KLHL14: variants seen among roughly 807,000 people sequenced by gnomAD.
KLHL14 encodes kelch like family member 14.
In KLHL14, 22 loss-of-function variants were observed where a neutral mutation model predicts 64.3. The ratio of observed to expected loss-of-function variants is 0.34; its 90% confidence interval spans 0.24 to 0.49. The LOEUF is 0.49. Ranked by LOEUF, KLHL14 falls within the 20% of genes least tolerant of loss-of-function variation. The pLI, the probability that KLHL14 is intolerant of heterozygous loss-of-function variation, is 0.99. For synonymous variants in KLHL14, 322 were observed against 333.4 expected (o/e 0.97, Z 0.37); for missense variants, 661 against 789.0 (o/e 0.84, Z 1.94).
chr18:32,713,868 A>G (rs2050032226), intron 3 of KLHL14, among the ~76,000 whole-genome samples: 1 of 152,192 alleles, frequency 6.6e-6, no homozygotes, highest in South Asian at 2.1e-4. Context: ...ACTGAAATGA[A>G]TATCTTGGAA....
intron 7 of KLHL14, among the ~76,000 whole-genome samples, chr18:32,677,886 G>C (rs1598544123): frequency 6.6e-6 from 1 of 152,316 alleles, no homozygotes; most frequent in African/African-American, 2.4e-5. Context: ...GACTCTTGCA[G>C]ACTAAATTGT....
In KLHL14 at chr18:32,763,108, GT is replaced by G. The variant is rs5823861; in HGVS notation, c.947+6536del. Among the ~76,000 whole-genome samples, 959 of 138,242 alleles carry G rather than the reference GT, an allele frequency of 6.9e-3. 12 individuals carry two copies. Among genetic ancestry groups the G allele is most frequent in the African/African-American group, 7.4e-3 (271 of 36,426 alleles). The allele number at this position is 138,242 out of a possible 152,430, so 90.7% of individuals were successfully genotyped here. A position where few individuals can be genotyped will look rare whatever the true frequency, so the allele number is the denominator to read the frequency against. On this transcript the variant is annotated intron_variant, in intron 2 of 8. Transcript: ENST00000359358. ...TTTTGGTTCAAATTCAAGCTTCAAG[GT>G]TTTTTTTTTTTTTTCATAGTTAAAC...
intron 3 of KLHL14, among the ~76,000 whole-genome samples, chr18:32,702,256 C>T (rs1001935780): frequency 2.6e-5 from 4 of 151,480 alleles, no homozygotes; most frequent in Non-Finnish European, 4.4e-5. Flanking sequence ...CAATTACATG[C>T]TGTTGAAAAC....
rs976221462 is a variant in KLHL14 at position 32,673,397 on chromosome 18, T to G, written c.*1260A>C. ...AGCTCTGGAGGGCTTGAAAATCGAATGTGCATTCCTGTCAGTTTTGTCCTT... is the reference window on the plus strand; with the variant it reads ...AGCTCTGGAGGGCTTGAAAATCGAAGGTGCATTCCTGTCAGTTTTGTCCTT... On this transcript the variant is annotated 3_prime_UTR_variant, in exon 9 of 9. Coordinates refer to ENST00000359358, the MANE Select transcript of KLHL14 (RefSeq NM_020805.3). 6.6e-6 allele frequency: 1 copy of G among 152,218 alleles called. No homozygotes were observed. Among genetic ancestry groups the G allele is most frequent in the Non-Finnish European group, 1.5e-5 (1 of 68,040 alleles). The allele number at this position is 152,218 out of a possible 1,614,324, so 9.4% of individuals were successfully genotyped here. A position where few individuals can be genotyped will look rare whatever the true frequency, so the allele number is the denominator to read the frequency against.
intron 2 of KLHL14, among the ~76,000 whole-genome samples, chr18:32,754,101 T>C (rs1447750724): frequency 3.3e-5 from 5 of 152,232 alleles, no homozygotes; most frequent in Non-Finnish European, 4.4e-5. Context: ...AGCTCTTCTC[T>C]TTGTTCAAGA....
intron 2 of KLHL14, among the ~76,000 whole-genome samples, chr18:32,753,908 G>T (rs528218003): frequency 6.6e-6 from 1 of 152,188 alleles, no homozygotes; most frequent in Non-Finnish European, 1.5e-5. Context: ...AGCATAAATT[G>T]CAATGGAAAT....
intron 5 of KLHL14, among the ~76,000 whole-genome samples, chr18:32,682,346 T>C (rs2049844225): frequency 6.6e-6 from 1 of 152,100 alleles, no homozygotes; most frequent in Admixed American, 6.6e-5. Context: ...TTCAGAAAGA[T>C]AATGAAGAAC....
In KLHL14 at chr18:32,733,142, A is replaced by G. The variant is rs80010359; in HGVS notation, c.1069+8786T>C. On this transcript the variant is annotated intron_variant, in intron 3 of 8. Transcript: ENST00000359358. ...TCAATTTCATCTGGTAAGGTAAGTT[A>G]AAACTCAGCTTAGTGGAGAGAAAAA... Among the ~76,000 whole-genome samples the G allele has an allele frequency of 5.9e-3, 898 of 152,316 alleles. 4 individuals are homozygous for G. Among genetic ancestry groups the G allele is most frequent in the African/African-American group, 0.021 (866 of 41,560 alleles).
At chr18:32,736,645 C>T (rs2050167804) in intron 3 of KLHL14, among the ~76,000 whole-genome samples, 1 of 152,050 alleles carries the variant, frequency 6.6e-6, no homozygotes, top group African/African-American at 2.4e-5. Context: ...TTCTGCAGCC[C>T]CATTGCTTAC....
At position 32,737,446 on chromosome 18, in the gene KLHL14, T is replaced by C. The variant is rs567333555; in HGVS notation, c.1069+4482A>G. ...GCAGGTTTATTAATTATTCCCTGAATAATCAACAACTAAACCATTCTGCAT... is the reference window on the plus strand; with the variant it reads ...GCAGGTTTATTAATTATTCCCTGAACAATCAACAACTAAACCATTCTGCAT... On this transcript the variant is annotated intron_variant, in intron 3 of 8. Coordinates refer to ENST00000359358, the MANE Select transcript of KLHL14 (RefSeq NM_020805.3). 2.0e-5 allele frequency: 3 copies of C among 152,324 alleles called. No homozygotes were observed. In the East Asian group the frequency reaches 5.8e-4, roughly 29 times the overall value. 9.4% of individuals were successfully genotyped at this position (152,324 alleles called of 1,614,324 possible). A position where few individuals can be genotyped will look rare whatever the true frequency, so the allele number is the denominator to read the frequency against.
At position 32,770,001 on chromosome 18, in the gene KLHL14, G is replaced by A. The variant is rs1442395530; in HGVS notation, c.591C>T (p.Gly197=). The A allele has an allele frequency of 6.2e-7, 1 of 1,614,194 alleles. No homozygotes were observed. ...KQVCKIAALH[G]LEETKKLANK... is the part of the protein sequence containing the mutation. ...TGGCCAGCTTCTTGGTCTCCTCCAG[G>A]CCGTGCAGCGCGGCGATCTTGCACA... The change falls in exon 2 of 9, where the codon GGC becomes GGT. Residue 197 remains glycine, a synonymous_variant. Transcript: ENST00000359358. The surrounding 1 kb of genome is among the most constrained non-coding windows in gnomAD (Gnocchi z 6.7).
chr18:32,690,556 C>T (rs983421325), intron 4 of KLHL14, among the ~76,000 whole-genome samples: 5 of 151,948 alleles, frequency 3.3e-5, no homozygotes, highest in Admixed American at 2.0e-4. Context: ...TGGTGAAACC[C>T]CAGCTCTACT....
In KLHL14 at chr18:32,674,120, C is replaced by T. The variant is rs2049798938; in HGVS notation, c.*537G>A. On this transcript the variant is annotated 3_prime_UTR_variant, in exon 9 of 9. Coordinates refer to ENST00000359358, the MANE Select transcript of KLHL14 (RefSeq NM_020805.3). ...AAGTTGTATAGAAACGAAAATGCCT[C>T]TCTTTAATCTTACATGATTTTCAAT... 1 of 152,406 alleles carries T rather than the reference C, an allele frequency of 6.6e-6. No individual in the cohort carries two copies. Among genetic ancestry groups the T allele is most frequent in the African/African-American group, 2.4e-5 (1 of 41,440 alleles). The allele number at this position is 152,406 out of a possible 1,614,324, so 9.4% of individuals were successfully genotyped here. A position where few individuals can be genotyped will look rare whatever the true frequency, so the allele number is the denominator to read the frequency against.
At chr18:32,762,868 T>C (rs1387828932) in intron 2 of KLHL14, among the ~76,000 whole-genome samples, 1 of 152,198 alleles carries the variant, frequency 6.6e-6, no homozygotes, top group East Asian at 1.9e-4. Flanking sequence ...AATTGTTAAA[T>C]TGATTTTCTT....
chr18:32,707,716 A>G (rs993825371), intron 3 of KLHL14, among the ~76,000 whole-genome samples: 1 of 152,216 alleles, frequency 6.6e-6, no homozygotes, highest in African/African-American at 2.4e-5. Context: ...GATGCTGGAA[A>G]TGAATGTGTC....
chr18:32,704,549 C>T (rs1187945687), intron 3 of KLHL14, among the ~76,000 whole-genome samples: 3 of 151,962 alleles, frequency 2.0e-5, no homozygotes, highest in Non-Finnish European at 4.4e-5. Flanking sequence ...ATGGTGAAAC[C>T]CTGTCTCTAC....
chr18:32,716,248 C>T (rs1379965569), intron 3 of KLHL14, among the ~76,000 whole-genome samples: 1 of 151,990 alleles, frequency 6.6e-6, no homozygotes, highest in African/African-American at 2.4e-5. Flanking sequence ...CTCCTTTCAA[C>T]CTGTCTTTTT....
At chr18:32,711,839 A>G (rs911659173) in intron 3 of KLHL14, among the ~76,000 whole-genome samples, 2 of 152,062 alleles carry the variant, frequency 1.3e-5, no homozygotes, top group African/African-American at 2.4e-5. Context: ...TATCCTTCGT[A>G]GTTGTATAGC....
At position 32,683,774 on chromosome 18, in the gene KLHL14, G is replaced by T. The variant is rs973944441; in HGVS notation, c.1239-3175C>A. The stretch of plus-strand genomic sequence containing the variant: ...CAAGTTCTTTCTGGCCCTTGGAGTT[G>T]TCAGTTTATATCCTAAAGCATGAGA... On this transcript the variant is annotated intron_variant, in intron 5 of 8. Transcript: ENST00000359358. This position sits in a 1 kb window ranked among gnomAD's most constrained non-coding sequence, Gnocchi z 4.2. 3.3e-5 allele frequency among the ~76,000 whole-genome samples: 5 copies of T among 152,156 alleles called. No individual in the cohort carries two copies. The highest frequency in any genetic ancestry group is 7.4e-5 in the Non-Finnish European group (5 of 68,026).
Sources: allele counts gnomAD v4.1 joint callset (sites outside exome capture counted in the v4.1 genomes callset), GRCh38; gene constraint gnomAD v4.1.1; non-coding constraint Gnocchi (gnomAD v3.1); transcripts MANE v1.5; gene names NCBI Gene and HGNC (gene_info 2026-07-23, HGNC 2026-07-21).